The following PTPRD variants were observed in gnomAD, a reference collection of about 807,000 sequenced individuals.
PTPRD encodes the protein receptor-type tyrosine-protein phosphatase delta.
A neutral mutation model predicts 214.5 loss-of-function variants in PTPRD; 34 were observed. The observed-to-expected ratio is 0.16, with a 90% CI of 0.12 to 0.21. The LOEUF is 0.21. Ranked by LOEUF, PTPRD falls within the 10% of genes least tolerant of loss-of-function variation. PTPRD has a pLI of 1.00. For missense variants in PTPRD, 2,545 were observed against 2,398.7 expected, an observed-to-expected ratio of 1.06 and a Z score of -1.27; for synonymous variants, 1,128 against 845.7, an observed-to-expected ratio of 1.33 and a Z score of -5.79.
intron 3 of PTPRD, among the ~76,000 whole-genome samples, chr9:10,179,359 C>A (rs577011219): frequency 4.0e-4 from 60 of 151,878 alleles, no homozygotes; most frequent in Middle Eastern, 3.4e-3. Flanking sequence ...ATATTGCCAA[C>A]ATAGAAAGCA....
chr9:8,911,948 A>T (rs1422834154), intron 11 of PTPRD, among the ~76,000 whole-genome samples: 1 of 152,184 alleles, frequency 6.6e-6, no homozygotes, highest in Non-Finnish European at 1.5e-5. Flanking sequence ...TTAAAACTGC[A>T]ATGCGATACA....
intron 35 of PTPRD, among the ~76,000 whole-genome samples, chr9:8,414,930 G>GGAGAGAGAGAGAGAGAGAGAGA (rs58529453): frequency 1.2e-4 from 6 of 49,264 alleles, no homozygotes; most frequent in Middle Eastern, 0.017. Flanking sequence ...AGAGGGAGGG[G>GGAGAGAGAGAGAGAGAGAGAGA]GAGAGAGAGA....
At chr9:9,535,457 A>G (rs1161389607) in intron 8 of PTPRD, among the ~76,000 whole-genome samples, 1 of 152,110 alleles carries the variant, frequency 6.6e-6, no homozygotes, top group Admixed American at 6.6e-5. Context: ...ATAGTGTGAA[A>G]AAACAAATGT....
intron 11 of PTPRD, among the ~76,000 whole-genome samples, chr9:8,927,693 A>C (rs200050317): frequency 6.6e-6 from 1 of 152,154 alleles, no homozygotes; most frequent in East Asian, 1.9e-4. Context: ...TTTATAGCAG[A>C]ATGATTTATA....
At chr9:8,823,042 G>T (rs1170964164) in intron 11 of PTPRD, among the ~76,000 whole-genome samples, 1 of 152,112 alleles carries the variant, frequency 6.6e-6, no homozygotes, top group Non-Finnish European at 1.5e-5. Flanking sequence ...AGAGGATCTA[G>T]TAAGACATTT....
At chr9:8,863,345 T>A (rs904439275) in intron 11 of PTPRD, among the ~76,000 whole-genome samples, 2 of 152,212 alleles carry the variant, frequency 1.3e-5, no homozygotes, top group African/African-American at 4.8e-5. Flanking sequence ...CCATTAACCA[T>A]TGGCACTATC....
chr9:9,706,797 T>G (rs1037725605), intron 7 of PTPRD, among the ~76,000 whole-genome samples: 1 of 151,882 alleles, frequency 6.6e-6, no homozygotes, highest in South Asian at 2.1e-4. Context: ...CGGAAACATA[T>G]ATATAAGATG....
At chr9:8,910,574 C>T (rs1198941688) in intron 11 of PTPRD, among the ~76,000 whole-genome samples, 2 of 152,120 alleles carry the variant, frequency 1.3e-5, no homozygotes, top group African/African-American at 4.8e-5. Flanking sequence ...TGGGACTCTG[C>T]AGGAGGTCCC....
At chr9:9,636,894 T>C (rs1216344869) in intron 7 of PTPRD, among the ~76,000 whole-genome samples, 1 of 152,174 alleles carries the variant, frequency 6.6e-6, no homozygotes, top group Non-Finnish European at 1.5e-5. Context: ...TTTCAGCATC[T>C]GGTAAGGGGG....
chr9:8,499,225 T>G (rs1166169603), intron 25 of PTPRD, among the ~76,000 whole-genome samples: 1 of 152,192 alleles, frequency 6.6e-6, no homozygotes, highest in African/African-American at 2.4e-5. Context: ...TATTCTTCAG[T>G]GGAAGAAGAC....
intron 11 of PTPRD, among the ~76,000 whole-genome samples, chr9:8,852,370 C>G (rs2097836521): frequency 1.3e-5 from 2 of 152,202 alleles, no homozygotes; most frequent in Admixed American, 6.5e-5. Flanking sequence ...CACTATGCTC[C>G]TGACATTGTT....
At chr9:8,471,670 C>T (rs774045301) in intron 30 of PTPRD, among the ~76,000 whole-genome samples, 13 of 151,910 alleles carry the variant, frequency 8.6e-5, no homozygotes, top group African/African-American at 2.4e-4. Context: ...AGGTAAGTAC[C>T]GCAGAAAATT....
In PTPRD at chr9:8,315,725, T is replaced by C. The variant is rs1821307895; in HGVS notation, c.*2149A>G. On this transcript the variant is annotated 3_prime_UTR_variant, in exon 46 of 46. Coordinates refer to ENST00000381196, the MANE Select transcript of PTPRD (RefSeq NM_002839.4). ...ATGTTTGGTCTCTTGGATTTCACTC[T>C]GCTAGCAATGGGAAAATGTGGAAAA... The C allele has an allele frequency of 4.4e-6, 1 of 228,960 alleles. No homozygotes were observed. Among genetic ancestry groups the C allele is most frequent in the African/African-American group, 2.2e-5 (1 of 45,056 alleles). The allele number at this position is 228,960 out of a possible 1,614,324, so 14.2% of individuals were successfully genotyped here.
At chr9:8,327,816 A>T (rs147636221) in intron 44 of PTPRD, among the ~76,000 whole-genome samples, 4 of 152,098 alleles carry the variant, frequency 2.6e-5, no homozygotes, top group Non-Finnish European at 5.9e-5. Flanking sequence ...AGTCCGTTTT[A>T]TCAGAGACTA....
rs1369390570 is a variant in PTPRD at position 10,190,610 on chromosome 9, CG to C, written c.-545+150352del. Reference sequence around the variant, plus strand: ...GTGGGCGCCTGTAATTCCAACTGCTCGGGAGGCTGAGGCAGGATAATTGCTT... The same window carrying C: ...GTGGGCGCCTGTAATTCCAACTGCTCGGAGGCTGAGGCAGGATAATTGCTT... On this transcript the variant is annotated intron_variant, in intron 3 of 45. Transcript: ENST00000381196. Among the ~76,000 whole-genome samples, 5 of 145,594 alleles carry C rather than the reference CG, an allele frequency of 3.4e-5. No individual in the cohort carries two copies. The East Asian group carries it at 1.1e-3, about 31-fold the overall frequency.
chr9:10,485,996 G>T (rs1014712268), intron 2 of PTPRD, among the ~76,000 whole-genome samples: 1 of 150,814 alleles, frequency 6.6e-6, no homozygotes, highest in East Asian at 1.9e-4. Flanking sequence ...CTTTCGAGGA[G>T]TGTCTGTTCA....
intron 9 of PTPRD, among the ~76,000 whole-genome samples, chr9:9,252,281 G>C (rs1212488275): frequency 6.6e-6 from 1 of 151,924 alleles, no homozygotes; most frequent in Admixed American, 6.6e-5. Flanking sequence ...TGTTGGTCAT[G>C]GCATGTCCCT....
intron 2 of PTPRD, among the ~76,000 whole-genome samples, chr9:10,594,589 T>C (rs1306567952): frequency 6.6e-6 from 1 of 152,020 alleles, no homozygotes; most frequent in Non-Finnish European, 1.5e-5. Context: ...TGCTATGTTG[T>C]TGGAGTTTAA....
intron 7 of PTPRD, among the ~76,000 whole-genome samples, chr9:9,709,035 T>A (rs983642313): frequency 6.6e-6 from 1 of 151,986 alleles, no homozygotes; most frequent in African/African-American, 2.4e-5. Context: ...CAGTCTTAAT[T>A]TCATGAGTGA....
Sources: gnomAD v4.1 joint callset for allele counts (sites outside exome capture counted in the v4.1 genomes callset) on GRCh38, gnomAD v4.1.1 for gene constraint, MANE v1.5 for transcripts, NCBI Gene and HGNC (gene_info 2026-07-23, HGNC 2026-07-21) for gene names.